CTNNA3: variants seen among roughly 807,000 people sequenced by gnomAD.
CTNNA3 encodes the protein catenin alpha-3.
Under a neutral mutation model 95.7 loss-of-function variants are expected in CTNNA3, and 76 were observed. The observed-to-expected ratio is 0.79, with a 90% confidence interval of 0.66 to 0.96. The LOEUF (loss-of-function observed/expected upper bound fraction) is 0.96, where lower values mean the gene tolerates loss of function less well. CTNNA3 is among the 40% of genes least tolerant of loss of function. The pLI is 0.00. For synonymous variants in CTNNA3, 431 were observed against 374.4 expected, an observed-to-expected ratio of 1.15 and a Z score of -1.74; for missense variants, 1,191 against 1,089.8, an observed-to-expected ratio of 1.09 and a Z score of -1.31.
At chr10:66,689,841 A>C (rs1847450639) in intron 9 of CTNNA3, among the ~76,000 whole-genome samples, 2 of 152,222 alleles carry the variant, frequency 1.3e-5, no homozygotes, top group African/African-American at 4.8e-5. Context: ...TGAGAAGAAA[A>C]TAACTCAGTG....
chr10:66,934,780 A>G (rs926075891), intron 7 of CTNNA3, among the ~76,000 whole-genome samples: 15 of 152,176 alleles, frequency 9.9e-5, no homozygotes, highest in African/African-American at 3.6e-4. Context: ...GGCATATAAA[A>G]TAGTAAGGCA....
intron 7 of CTNNA3, among the ~76,000 whole-genome samples, chr10:67,069,694 G>A (rs1856328638): frequency 6.6e-6 from 1 of 151,756 alleles, no homozygotes. Context: ...TGTTGTGTCT[G>A]AATGTTGTGT....
intron 13 of CTNNA3, among the ~76,000 whole-genome samples, chr10:66,165,238 G>T (rs909300060): frequency 7.2e-5 from 11 of 152,056 alleles, no homozygotes; most frequent in Admixed American, 2.0e-4. Flanking sequence ...GCTAAAGAAT[G>T]GGGACCCTAT....
intron 1 of CTNNA3, among the ~76,000 whole-genome samples, chr10:67,693,653 A>G (rs1169397538): frequency 6.6e-6 from 1 of 152,220 alleles, no homozygotes; most frequent in East Asian, 1.9e-4. Flanking sequence ...CAGGAAGAAT[A>G]TATTATTTGA....
chr10:65,926,662 G>A (rs147591730), intron 17 of CTNNA3, among the ~76,000 whole-genome samples: 20,246 of 151,988 alleles, frequency 0.13, 1,481 homozygotes, highest in East Asian at 0.24. Context: ...TTTTAGTAGA[G>A]ACAGGGTTTC....
At chr10:66,772,051 T>C (rs937864329) in intron 8 of CTNNA3, among the ~76,000 whole-genome samples, 9 of 151,946 alleles carry the variant, frequency 5.9e-5, no homozygotes, top group African/African-American at 2.2e-4. Context: ...GTACAAGTCA[T>C]ATGTACAAAG....
intron 11 of CTNNA3, among the ~76,000 whole-genome samples, chr10:66,512,420 T>C (rs926972564): frequency 6.6e-6 from 1 of 152,096 alleles, no homozygotes; most frequent in African/African-American, 2.4e-5. Flanking sequence ...GTTAGTTGTT[T>C]TGTAATTGCT....
intron 3 of CTNNA3, among the ~76,000 whole-genome samples, chr10:67,563,044 C>G (rs1243183396): frequency 6.6e-6 from 1 of 152,040 alleles, no homozygotes; most frequent in Non-Finnish European, 1.5e-5. Flanking sequence ...GAATCAATAT[C>G]ATGAAAATGG....
At chr10:67,233,141 C>T (rs576510319) in intron 5 of CTNNA3, among the ~76,000 whole-genome samples, 1 of 151,834 alleles carries the variant, frequency 6.6e-6, no homozygotes. Context: ...GAATTGAACT[C>T]AGCTCCGCAC....
chr10:66,364,070 C>T (rs2092694843), intron 12 of CTNNA3, among the ~76,000 whole-genome samples: 1 of 151,882 alleles, frequency 6.6e-6, no homozygotes, highest in African/African-American at 2.4e-5. Context: ...TTAATATCTA[C>T]AAATATTATT....
At chr10:67,116,940 T>G (rs1164630461) in intron 7 of CTNNA3, among the ~76,000 whole-genome samples, 1 of 151,716 alleles carries the variant, frequency 6.6e-6, no homozygotes, top group East Asian at 1.9e-4. Flanking sequence ...TATTGAGAAC[T>G]TACTATCTTC....
At chr10:66,837,564 A>G (rs1216085662) in intron 7 of CTNNA3, 1 of 152,168 alleles carries the variant, frequency 6.6e-6, no homozygotes, top group Non-Finnish European at 1.5e-5. Context: ...ACAAAATTAA[A>G]GCATTTCCTA....
At chr10:67,726,409 A>T (rs1439259040) in intron 1 of CTNNA3, among the ~76,000 whole-genome samples, 5 of 63,660 alleles carry the variant, frequency 7.9e-5, no homozygotes, top group Non-Finnish European at 1.2e-4. Context: ...ATATTATATC[A>T]TATATAATAT....
At chr10:66,101,260 T>C (rs779409003) in intron 14 of CTNNA3, among the ~76,000 whole-genome samples, 2 of 152,178 alleles carry the variant, frequency 1.3e-5, no homozygotes, top group African/African-American at 2.4e-5. Flanking sequence ...ACAAATTGGC[T>C]AGTAGAGGGC....
chr10:66,340,805 G>A (rs768935269), intron 12 of CTNNA3, among the ~76,000 whole-genome samples: 1 of 151,352 alleles, frequency 6.6e-6, no homozygotes, highest in Non-Finnish European at 1.5e-5. Flanking sequence ...AATAAAATGT[G>A]GCGAAAAAAA....
intron 8 of CTNNA3, among the ~76,000 whole-genome samples, chr10:66,770,993 A>G (rs1054562400): frequency 2.0e-5 from 3 of 152,142 alleles, no homozygotes; most frequent in African/African-American, 7.2e-5. Flanking sequence ...AAGTTTAGTG[A>G]AACTTGTCTC....
At chr10:67,218,917 T>C (rs1264389330) in intron 6 of CTNNA3, among the ~76,000 whole-genome samples, 1 of 152,190 alleles carries the variant, frequency 6.6e-6, no homozygotes, top group Middle Eastern at 3.2e-3. Flanking sequence ...AACCTTTCAG[T>C]GTATTCCCAT....
At chr10:66,258,411 T>C (rs1318171531) in intron 13 of CTNNA3, among the ~76,000 whole-genome samples, 1 of 152,178 alleles carries the variant, frequency 6.6e-6, no homozygotes, top group Non-Finnish European at 1.5e-5. Context: ...GGTATGGCTG[T>C]GTTTTACAGA....
At chr10:67,580,263 T>G (rs911824833) in intron 3 of CTNNA3, among the ~76,000 whole-genome samples, 26 of 152,356 alleles carry the variant, frequency 1.7e-4, no homozygotes, top group African/African-American at 6.3e-4. Flanking sequence ...CAGTTTTAAC[T>G]TTCTACATAT....
Sources: allele counts gnomAD v4.1 joint callset (sites outside exome capture counted in the v4.1 genomes callset), GRCh38; gene constraint gnomAD v4.1.1; transcripts MANE v1.5; gene names NCBI Gene and HGNC (gene_info 2026-07-23, HGNC 2026-07-21).